MAP2K6: variants seen among roughly 807,000 people sequenced by gnomAD.
The protein encoded by MAP2K6 is mitogen-activated protein kinase kinase 6, also known as dual specificity mitogen-activated protein kinase kinase 6.
In MAP2K6, 16 loss-of-function variants were observed where a neutral mutation model predicts 53.7. That is an observed-to-expected ratio of 0.30 (90% CI 0.20 to 0.45). MAP2K6 has a LOEUF of 0.45. MAP2K6 is among the 20% of genes least tolerant of loss of function. The pLI is 1.00. For synonymous variants in MAP2K6, 132 were observed against 143.1 expected, an observed-to-expected ratio of 0.92 and a Z score of 0.55; for missense variants, 204 against 411.9, an observed-to-expected ratio of 0.50 and a Z score of 4.37.
intron 1 of MAP2K6, among the ~76,000 whole-genome samples, chr17:69,489,264 T>A (rs976694804): frequency 3.5e-4 from 52 of 150,464 alleles, no homozygotes; most frequent in Admixed American, 2.3e-3. Context: ...ATAAAATAAG[T>A]TTGGGAACAT....
At position 69,552,623 on chromosome 17, in the gene MAP2K6, C is replaced by G. The variant is rs999638733; in HGVS notation, c.*10870C>G. 1.3e-5 allele frequency: 2 copies of G among 152,174 alleles called. No individual in the cohort carries two copies. Among genetic ancestry groups the G allele is most frequent in the African/African-American group, 4.8e-5 (2 of 41,436 alleles). The allele number at this position is 152,174 out of a possible 1,614,324, so 9.4% of individuals were successfully genotyped here. A position where few individuals can be genotyped will look rare whatever the true frequency, so the allele number is the denominator to read the frequency against. On this transcript the variant is annotated 3_prime_UTR_variant, in exon 12 of 12. Coordinates refer to ENST00000590474, the MANE Select transcript of MAP2K6 (RefSeq NM_002758.4). The stretch of plus-strand genomic sequence containing the variant: ...AATTCTGGCCTTTGGGAACTCTTTG[C>G]TTGTGAGCTGAAGAAGGAAAGAAGG...
intron 1 of MAP2K6, among the ~76,000 whole-genome samples, chr17:69,488,401 C>T (rs1351077190): frequency 6.6e-6 from 1 of 152,138 alleles, no homozygotes. Context: ...TACCATTTGA[C>T]CTAGCAATCC....
chr17:69,442,993 C>A (rs1187925707), intron 1 of MAP2K6, among the ~76,000 whole-genome samples: 1 of 151,944 alleles, frequency 6.6e-6, no homozygotes, highest in African/African-American at 2.4e-5. Flanking sequence ...TTGCTCAGTC[C>A]CAAACCCCAG....
chr17:69,462,040 C>A (rs565082528), intron 1 of MAP2K6, among the ~76,000 whole-genome samples: 1 of 152,154 alleles, frequency 6.6e-6, no homozygotes, highest in East Asian at 1.9e-4. Flanking sequence ...GGTTTTAGTT[C>A]GCACTTGGGA....
At chr17:69,502,538 A>G (rs1909222507) in intron 1 of MAP2K6, 28 of 978,752 alleles carry the variant, frequency 2.9e-5, no homozygotes, top group African/African-American at 3.5e-5. Flanking sequence ...TCCTGGATCT[A>G]TTTTTTTTTC....
intron 1 of MAP2K6, among the ~76,000 whole-genome samples, chr17:69,496,902 C>T (rs1263136173): frequency 6.6e-6 from 1 of 152,126 alleles, no homozygotes; most frequent in Admixed American, 6.6e-5. Context: ...TTTCCTCTTT[C>T]ACTTAACTTC....
chr17:69,460,271 C>G lies in MAP2K6; in HGVS notation c.16+45271C>G, dbSNP rs77369899. Among the ~76,000 whole-genome samples, 366 of 152,190 alleles carry G rather than the reference C, an allele frequency of 2.4e-3. 1 individual carries two copies. The highest frequency in any genetic ancestry group is 7.9e-3 in the African/African-American group (327 of 41,524). On this transcript the variant is annotated intron_variant, in intron 1 of 11. Coordinates refer to ENST00000590474, the MANE Select transcript of MAP2K6 (RefSeq NM_002758.4). ...GGGAGGGTGTCATGAAGGTGGGGTACATGGAGAAAGGGTGGAAACTCATAT... is the reference window on the plus strand; with the variant it reads ...GGGAGGGTGTCATGAAGGTGGGGTAGATGGAGAAAGGGTGGAAACTCATAT...
intron 2 of MAP2K6, among the ~76,000 whole-genome samples, chr17:69,515,392 G>T (rs1567849388): frequency 1.3e-5 from 2 of 151,970 alleles, no homozygotes; most frequent in Non-Finnish European, 2.9e-5. Context: ...CCTGACCTCA[G>T]GTGATCCGCC....
Position 69,521,065 on chromosome 17 carries a change from A to C in MAP2K6, c.500A>C (p.Glu167Ala). ...KIAVSIVKAL[E>A]HLHSKLSVIH... Reference sequence around the variant, plus strand: ...CTCTTGCAGATTGTAAAAGCATTAGAACATTTACATAGTAAGCTGTCTGTC... The same window carrying C: ...CTCTTGCAGATTGTAAAAGCATTAGCACATTTACATAGTAAGCTGTCTGTC... Residue 167 changes from glutamate to alanine, a missense_variant, in exon 7 of 12, where the codon GAA becomes GCA. Coordinates refer to ENST00000590474, the MANE Select transcript of MAP2K6 (RefSeq NM_002758.4). 6.2e-7 allele frequency: 1 copy of C among 1,607,826 alleles called. No individual in the cohort carries two copies. Among genetic ancestry groups the C allele is most frequent in the South Asian group, 1.1e-5 (1 of 89,918 alleles).
intron 1 of MAP2K6, among the ~76,000 whole-genome samples, chr17:69,457,084 A>C (rs996017123): frequency 6.6e-6 from 1 of 152,190 alleles, no homozygotes; most frequent in Admixed American, 6.5e-5. Context: ...GATCTAAATC[A>C]AATGTCTTCT....
At chr17:69,463,718 A>G (rs189292000) in intron 1 of MAP2K6, among the ~76,000 whole-genome samples, 50 of 152,178 alleles carry the variant, frequency 3.3e-4, no homozygotes, top group Admixed American at 3.1e-3. Context: ...ATATATGTAT[A>G]TTAGTGAATC....
chr17:69,428,840 G>C (rs1906353246), intron 1 of MAP2K6, among the ~76,000 whole-genome samples: 1 of 147,514 alleles, frequency 6.8e-6, no homozygotes, highest in African/African-American at 2.6e-5. Flanking sequence ...CAGACTACCT[G>C]CCCTTTCTTC....
chr17:69,417,174 C>T (rs766409477), intron 1 of MAP2K6, among the ~76,000 whole-genome samples: 17 of 152,178 alleles, frequency 1.1e-4, no homozygotes, highest in East Asian at 1.9e-4. Context: ...AAGAGCCAGC[C>T]GCCTTGGCCT....
At chr17:69,433,149 G>C (rs1393792518) in intron 1 of MAP2K6, 2 of 152,250 alleles carry the variant, frequency 1.3e-5, no homozygotes, top group Non-Finnish European at 2.9e-5. Flanking sequence ...AAAATCTAAA[G>C]ACAAGACTTC....
chr17:69,533,735 G>GTTTT (rs35697742), intron 10 of MAP2K6, among the ~76,000 whole-genome samples: 1 of 140,176 alleles, frequency 7.1e-6, no homozygotes, highest in African/African-American at 2.6e-5. Context: ...TAGCCTGTTT[G>GTTTT]TTTTTTTTTT....
intron 2 of MAP2K6, among the ~76,000 whole-genome samples, chr17:69,506,951 CTCT>C (rs1909526095): frequency 6.8e-6 from 1 of 147,182 alleles, no homozygotes; most frequent in African/African-American, 2.5e-5. Flanking sequence ...TTTTCTTTTT[CTCT>C]TTTTTTTTTC....
At chr17:69,478,819 G>T (rs539493280) in intron 1 of MAP2K6, among the ~76,000 whole-genome samples, 36 of 152,266 alleles carry the variant, frequency 2.4e-4, no homozygotes, top group Admixed American at 3.3e-4. Context: ...ATGAGTGAAT[G>T]AAAGTGCTAT....
At chr17:69,527,096 A>G (rs192860623) in intron 10 of MAP2K6, among the ~76,000 whole-genome samples, 13 of 152,360 alleles carry the variant, frequency 8.5e-5, no homozygotes, top group Admixed American at 8.5e-4. Context: ...TCCAAACAGA[A>G]GGAACATCAT....
chr17:69,443,529 G>T (rs1906883462), intron 1 of MAP2K6, among the ~76,000 whole-genome samples: 2 of 152,192 alleles, frequency 1.3e-5, no homozygotes, highest in African/African-American at 4.8e-5. Context: ...TTATTCTACA[G>T]TAGTTCTCTG....
Sources: gnomAD v4.1 joint callset for allele counts (sites outside exome capture counted in the v4.1 genomes callset) on GRCh38, gnomAD v4.1.1 for gene constraint, MANE v1.5 for transcripts, NCBI Gene and HGNC (gene_info 2026-07-23, HGNC 2026-07-21) for gene names.